Variants in DNTT observed in about 807,000 individuals in gnomAD.
DNTT encodes the protein nucleosidetriphosphate:DNA deoxynucleotidylexotransferase.
A neutral mutation model predicts 60.9 loss-of-function variants in DNTT; 47 were observed. That is an observed-to-expected ratio of 0.77 (90% CI 0.61 to 0.98). The LOEUF is 0.98. Ranked by LOEUF, DNTT falls within the 50% of genes least tolerant of loss-of-function variation. The pLI, the probability that DNTT is intolerant of heterozygous loss-of-function variation, is 0.00. For missense variants in DNTT, 665 were observed against 627.5 expected (o/e 1.06, Z -0.64); for synonymous variants, 224 against 221.2 (o/e 1.01, Z -0.11).
intron 3 of DNTT, among the ~76,000 whole-genome samples, chr10:96,319,624 G>A (rs893997630): frequency 6.6e-6 from 1 of 152,090 alleles, no homozygotes; most frequent in Non-Finnish European, 1.5e-5. Context: ...TAGAGACAGC[G>A]GATTACTATT....
At chr10:96,332,265 T>G in intron 8 of DNTT, 86 bp from the exon 9 acceptor site, 1 of 1,545,940 alleles carries the variant, frequency 6.5e-7, no homozygotes, top group East Asian at 2.3e-5. Flanking sequence ...TGCTCGAATC[T>G]GAAAAGATTT....
intron 1 of DNTT, among the ~76,000 whole-genome samples, chr10:96,306,176 C>G (rs1418399508): frequency 1.3e-5 from 2 of 151,068 alleles, no homozygotes; most frequent in Non-Finnish European, 2.9e-5. Flanking sequence ...TCACTGCAAC[C>G]TCCGCCTCCC....
intron 7 of DNTT, among the ~76,000 whole-genome samples, chr10:96,327,962 A>G (rs1160408462): frequency 6.6e-6 from 1 of 152,016 alleles, no homozygotes; most frequent in Non-Finnish European, 1.5e-5. Flanking sequence ...CCCCTCTTCC[A>G]TGCTCCCTGA....
chr10:96,331,055 C>T (rs1003089909), intron 8 of DNTT, among the ~76,000 whole-genome samples: 3 of 152,146 alleles, frequency 2.0e-5, no homozygotes, highest in Non-Finnish European at 4.4e-5. Context: ...CCAAGAATGG[C>T]AACTCGATTG....
chr10:96,318,912 GAAAAC>G (rs749460969), intron 2 of DNTT, among the ~76,000 whole-genome samples: 1 of 151,992 alleles, frequency 6.6e-6, no homozygotes, highest in Non-Finnish European at 1.5e-5. Context: ...TGATCATTCA[GAAAAC>G]AAAACAAAAC....
intron 1 of DNTT, among the ~76,000 whole-genome samples, chr10:96,310,519 C>CCT (rs1290808363): frequency 6.6e-6 from 1 of 152,222 alleles, no homozygotes; most frequent in African/African-American, 2.4e-5. Context: ...ACCTTGAGTG[C>CCT]CTTCTCCCTT....
chr10:96,314,702 G>A (rs961368716), intron 1 of DNTT, among the ~76,000 whole-genome samples: 47 of 151,882 alleles, frequency 3.1e-4, no homozygotes, highest in East Asian at 2.5e-3. Context: ...ATGAGCCACC[G>A]CGCCCAGCCT....
At position 96,304,616 on chromosome 10, in the gene DNTT, T is replaced by G; in HGVS notation, c.119T>G (p.Leu40Trp). The G allele has an allele frequency of 6.2e-7, 1 of 1,614,142 alleles. No homozygotes were observed. Among genetic ancestry groups the G allele is most frequent in the Admixed American group, 1.7e-5 (1 of 60,016 alleles). The part of the protein sequence containing the change: ...IKFQDLVVFI[L>W]EKKMGTTRRA... ...TTTCAAGATTTGGTCGTCTTCATTT[T>G]GGAGAAGAAAATGGGAACCACCCGC... The change falls in exon 1 of 11, where the codon TTG becomes TGG. Residue 40 changes from leucine (L) to tryptophan (W), a missense_variant. By Grantham distance (61) the Leu-to-Trp change is moderately conservative (BLOSUM62 -2). Transcript: ENST00000371174.
At chr10:96,318,224 C>T in intron 1 of DNTT, 128 bp from the exon 2 acceptor site, 1 of 1,089,458 alleles carries the variant, frequency 9.2e-7, no homozygotes, top group Non-Finnish European at 1.3e-6. Flanking sequence ...CTAAATTCTC[C>T]ACACCTATGG....
chr10:96,324,422 A>G (rs374993441), intron 6 of DNTT, 33 bp downstream of exon 6: 25 of 1,612,020 alleles, frequency 1.6e-5, no homozygotes, highest in Non-Finnish European at 2.1e-5. Flanking sequence ...CATTGTTGCT[A>G]TGGGCTGGTC....
rs368137468 is a variant in DNTT, at chr10:96,322,606, C to T, written c.679-51C>T. ...GGTCCATGAATTTGAGAGTCTTAGA[C>T]AGTAATTGTCCAACATCACTAATTT... On this transcript the variant is annotated intron_variant, in intron 4 of 10. Transcript: ENST00000371174. 564 of 1,458,784 alleles carry T rather than the reference C, an allele frequency of 3.9e-4. 2 individuals are homozygous for T. The highest frequency in any genetic ancestry group is 4.7e-4 in the Non-Finnish European group (500 of 1,056,936). 90.4% of individuals were successfully genotyped at this position (1,458,784 alleles called of 1,614,324 possible).
chr10:96,325,043 G>A (rs892572962), intron 6 of DNTT, among the ~76,000 whole-genome samples: 2 of 152,184 alleles, frequency 1.3e-5, no homozygotes, highest in Admixed American at 6.5e-5. Flanking sequence ...GCCTGGCAGG[G>A]CCTCTCAGAG....
chr10:96,333,127 A>G (rs1276204329), intron 9 of DNTT, among the ~76,000 whole-genome samples: 2 of 152,242 alleles, frequency 1.3e-5, no homozygotes, highest in Non-Finnish European at 2.9e-5. Context: ...ATAACAAGAA[A>G]ACAAATAATC....
chr10:96,320,916 C>A, intron 4 of DNTT, 128 bp downstream of exon 4: 2 of 1,094,690 alleles, frequency 1.8e-6, no homozygotes, highest in Non-Finnish European at 2.6e-6. Context: ...TTCCTTTATA[C>A]ATATTCCTCT....
At chr10:96,328,658 G>T in intron 7 of DNTT, 67 bp from the exon 8 acceptor site, 1 of 1,510,280 alleles carries the variant, frequency 6.6e-7, no homozygotes, top group Non-Finnish European at 9.1e-7. Context: ...TAGAAACAAA[G>T]GTGATTTTTT....
In DNTT at chr10:96,327,475, G is replaced by A. The variant is rs1437787879; in HGVS notation, c.882G>A (p.Leu294=). 6.2e-7 allele frequency: 1 copy of A among 1,613,952 alleles called. No homozygotes were observed. The highest frequency in any genetic ancestry group is 1.7e-5 in the Admixed American group (1 of 60,002). The change falls in exon 7 of 11, where the codon CTG becomes CTA. Residue 294 remains leucine (L), a synonymous_variant. Transcript: ENST00000371174. ...KFTRMQKAGF[L]YYEDLVSCVT... ...TGTCAAATGGCCTCTCAGGATTTCT[G>A]TATTATGAAGACCTTGTCAGCTGTG...
rs753815637 is a variant in DNTT, at chr10:96,332,445, G to A, written c.1208G>A (p.Cys403Tyr). 1.9e-6 allele frequency: 3 copies of A among 1,614,190 alleles called. No homozygotes were observed. The highest frequency in any genetic ancestry group is 2.5e-6 in the Non-Finnish European group (3 of 1,180,024). ...GATGCTTTGGATCATTTTCAAAAGT[G>A]CTTTCTGATTTTCAAATTGCCTCGT... ...KVDALDHFQK[C>Y]FLIFKLPRQR... Residue 403 changes from cysteine to tyrosine, a missense_variant, in exon 9 of 11, where the codon TGC (cysteine) becomes TAC (tyrosine). By Grantham distance (194) the Cys-to-Tyr change is radical. Transcript: ENST00000371174.
At chr10:96,317,752 C>T (rs1290669747) in intron 1 of DNTT, among the ~76,000 whole-genome samples, 4 of 152,124 alleles carry the variant, frequency 2.6e-5, no homozygotes, top group Admixed American at 6.6e-5. Context: ...CCATATCTGC[C>T]GACCCCTTGA....
In DNTT at chr10:96,327,463, C is replaced by G. The variant is rs1564873679; in HGVS notation, c.875-5C>G. The G allele has an allele frequency of 2.5e-6, 4 of 1,614,056 alleles. No individual in the cohort carries two copies. Among genetic ancestry groups the G allele is most frequent in the East Asian group, 2.2e-5 (1 of 44,886 alleles). Reference sequence around the variant, plus strand: ...TCTCCATTGACCTGTCAAATGGCCTCTCAGGATTTCTGTATTATGAAGACC... The same window carrying G: ...TCTCCATTGACCTGTCAAATGGCCTGTCAGGATTTCTGTATTATGAAGACC... On this transcript the variant is annotated splice_region_variant and splice_polypyrimidine_tract_variant and intron_variant, in intron 6 of 10. Coordinates refer to ENST00000371174, the MANE Select transcript of DNTT (RefSeq NM_004088.4).
Sources: allele counts gnomAD v4.1 joint callset (sites outside exome capture counted in the v4.1 genomes callset), GRCh38; gene constraint gnomAD v4.1.1; transcripts MANE v1.5; gene names NCBI Gene and HGNC (gene_info 2026-07-23, HGNC 2026-07-21).